ALG6: variants seen among roughly 807,000 people sequenced by gnomAD.
The protein encoded by ALG6 is dolichyl pyrophosphate Man9GlcNAc2 alpha-1,3-glucosyltransferase.
In ALG6, 46 loss-of-function variants were observed where a neutral mutation model predicts 66.6. The ratio of observed to expected loss-of-function variants is 0.69; its 90% confidence interval spans 0.55 to 0.88. The LOEUF (loss-of-function observed/expected upper bound fraction) is 0.88. ALG6 is among the 40% of genes least tolerant of loss of function. The pLI is 0.00. For missense variants in ALG6, 505 were observed against 586.8 expected, an observed-to-expected ratio of 0.86 and a Z score of 1.44; for synonymous variants, 185 against 203.7, an observed-to-expected ratio of 0.91 and a Z score of 0.78.
intron 3 of ALG6, among the ~76,000 whole-genome samples, chr1:63,401,114 T>C (rs1361104198): frequency 2.6e-5 from 4 of 152,114 alleles, no homozygotes; most frequent in Non-Finnish European, 1.5e-5. Flanking sequence ...CATGGATGTT[T>C]CTGGAGGGAC....
intron 2 of ALG6, among the ~76,000 whole-genome samples, chr1:63,393,719 C>A (rs1303385705): frequency 6.6e-6 from 1 of 152,170 alleles, no homozygotes; most frequent in African/African-American, 2.4e-5. Context: ...GTTAAAGCAA[C>A]CTCGGCAAAA....
chr1:63,389,172 C>G (rs928878889), intron 2 of ALG6, among the ~76,000 whole-genome samples: 8 of 151,916 alleles, frequency 5.3e-5, no homozygotes, highest in Non-Finnish European at 8.8e-5. Context: ...ACCCTGATCT[C>G]TCTCTCTCTC....
rs193213336 is a variant in ALG6, at chr1:63,421,512, C to A, written c.1058+2072C>A. On this transcript the variant is annotated intron_variant, in intron 12 of 14. Transcript: ENST00000263440. Reference sequence around the variant, plus strand: ...ATTAGAAATCATTTGACCTAGCAATCCCATTACTGGGTATATACTCAAAGG... The same window carrying A: ...ATTAGAAATCATTTGACCTAGCAATACCATTACTGGGTATATACTCAAAGG... 3.2e-3 allele frequency among the ~76,000 whole-genome samples: 486 copies of A among 152,238 alleles called. 2 individuals carry two copies. The highest frequency in any genetic ancestry group is 5.3e-3 in the Admixed American group (81 of 15,280).
chr1:63,424,390 C>G (rs1028599510), intron 12 of ALG6, among the ~76,000 whole-genome samples: 3 of 152,128 alleles, frequency 2.0e-5, no homozygotes, highest in African/African-American at 7.2e-5. Context: ...CCACCCGCCT[C>G]GGCCTCCCAA....
chr1:63,423,977 G>C (rs747972668), intron 12 of ALG6, among the ~76,000 whole-genome samples: 8 of 152,160 alleles, frequency 5.3e-5, no homozygotes, highest in Non-Finnish European at 8.8e-5. Context: ...GATAGCACTT[G>C]TTATTTTCCA....
intron 10 of ALG6, among the ~76,000 whole-genome samples, chr1:63,415,341 C>T (rs1453474586): frequency 1.3e-5 from 2 of 152,170 alleles, no homozygotes; most frequent in African/African-American, 4.8e-5. Flanking sequence ...CTTTTTCCTC[C>T]CACCCATTAG....
At chr1:63,373,751 C>G (rs1400330924) in intron 2 of ALG6, among the ~76,000 whole-genome samples, 1 of 146,798 alleles carries the variant, frequency 6.8e-6, no homozygotes, top group Non-Finnish European at 1.5e-5. Flanking sequence ...GCCTTGACCT[C>G]TTGGGACCAC....
At chr1:63,373,198 G>C (rs1342091159) in intron 2 of ALG6, among the ~76,000 whole-genome samples, 3 of 151,148 alleles carry the variant, frequency 2.0e-5, no homozygotes, top group Non-Finnish European at 4.4e-5. Flanking sequence ...GTAGACACAG[G>C]GTCTCACCAT....
intron 14 of ALG6, among the ~76,000 whole-genome samples, chr1:63,430,292 C>A (rs1368200246): frequency 1.3e-5 from 2 of 152,146 alleles, no homozygotes; most frequent in East Asian, 3.9e-4. Context: ...TTTATCCATT[C>A]ATGAATTAAT....
chr1:63,397,992 C>A (rs906278117), intron 3 of ALG6, among the ~76,000 whole-genome samples: 2 of 152,170 alleles, frequency 1.3e-5, no homozygotes, highest in Non-Finnish European at 2.9e-5. Flanking sequence ...CATAGAAATT[C>A]ATGCCTGTGT....
At chr1:63,403,249 T>C (rs1021069413) in intron 4 of ALG6, among the ~76,000 whole-genome samples, 1 of 152,088 alleles carries the variant, frequency 6.6e-6, no homozygotes, top group African/African-American at 2.4e-5. Flanking sequence ...ATATATCTAA[T>C]ATGTGTTGTG....
chr1:63,408,076 G>GTAC (rs1166464552), intron 7 of ALG6, among the ~76,000 whole-genome samples: 3 of 152,116 alleles, frequency 2.0e-5, no homozygotes, highest in Non-Finnish European at 4.4e-5. Context: ...AAATATAAAT[G>GTAC]TACAGCTCAG....
At chr1:63,410,131 A>G (rs1364222006) in intron 7 of ALG6, among the ~76,000 whole-genome samples, 2 of 152,110 alleles carry the variant, frequency 1.3e-5, no homozygotes, top group African/African-American at 2.4e-5. Context: ...TCCTCTATGT[A>G]TATACTCTAA....
chr1:63,387,346 G>A (rs995424165), intron 2 of ALG6, among the ~76,000 whole-genome samples: 2 of 152,012 alleles, frequency 1.3e-5, no homozygotes, highest in Non-Finnish European at 2.9e-5. Flanking sequence ...CTGTCTGGAT[G>A]ATTTGTCCAG....
At chr1:63,373,307 A>T (rs1647998579) in intron 2 of ALG6, among the ~76,000 whole-genome samples, 1 of 151,282 alleles carries the variant, frequency 6.6e-6, no homozygotes, top group Non-Finnish European at 1.5e-5. Flanking sequence ...ATGTCCAGTC[A>T]ATATTTTAAC....
chr1:63,396,642 C>A, intron 3 of ALG6, 45 bp downstream of exon 3: 1 of 1,512,226 alleles, frequency 6.6e-7, no homozygotes, highest in Non-Finnish European at 9.2e-7. Context: ...ATAGTTAATA[C>A]AGATTGTTTG....
At chr1:63,414,968 C>T (rs1352784677) in intron 10 of ALG6, among the ~76,000 whole-genome samples, 1 of 152,124 alleles carries the variant, frequency 6.6e-6, no homozygotes, top group Non-Finnish European at 1.5e-5. Flanking sequence ...AAGTTAGGCG[C>T]CTCAGGACAA....
At chr1:63,421,957 G>A (rs1026289995) in intron 12 of ALG6, among the ~76,000 whole-genome samples, 12 of 148,576 alleles carry the variant, frequency 8.1e-5, no homozygotes, top group East Asian at 2.0e-4. Flanking sequence ...ACCATGGCAC[G>A]TGTATACCTA....
intron 12 of ALG6, among the ~76,000 whole-genome samples, chr1:63,420,383 T>G (rs1644567211): frequency 6.6e-6 from 1 of 152,138 alleles, no homozygotes; most frequent in Admixed American, 6.5e-5. Flanking sequence ...CAAACATGTA[T>G]TAATATATTT....
Sources: gnomAD v4.1 joint callset for allele counts (sites outside exome capture counted in the v4.1 genomes callset) on GRCh38, gnomAD v4.1.1 for gene constraint, MANE v1.5 for transcripts, NCBI Gene and HGNC (gene_info 2026-07-23, HGNC 2026-07-21) for gene names.